The following SNTG2 variants were observed in gnomAD, a reference collection of about 807,000 sequenced individuals.
The protein encoded by SNTG2 is gamma-2-syntrophin.
A neutral mutation model predicts 70.9 loss-of-function variants in SNTG2; 74 were observed. That is an observed-to-expected ratio of 1.04 (90% CI 0.86 to 1.27). The LOEUF (loss-of-function observed/expected upper bound fraction) is 1.27, where lower values mean the gene tolerates loss of function less well. Among genes scored for constraint, SNTG2 ranks in the 50% most tolerant of loss-of-function variants. The pLI is 0.00. For synonymous variants in SNTG2, 278 were observed against 273.8 expected (o/e 1.02, Z -0.15); for missense variants, 717 against 690.7 (o/e 1.04, Z -0.43).
At chr2:1,207,348 G>A (rs1395644676) in intron 8 of SNTG2, among the ~76,000 whole-genome samples, 1 of 152,178 alleles carries the variant, frequency 6.6e-6, no homozygotes, top group African/African-American at 2.4e-5. Context: ...TGAGCTATTG[G>A]CCATGGAATT....
Position 1,153,072 on chromosome 2 carries a change from C to T in SNTG2, c.412-12476C>T, listed in dbSNP as rs142636433. The stretch of plus-strand genomic sequence containing the variant: ...CCAGGAGGCGGAGGTTGCAGTGAGT[C>T]GAGATCGCACCATTGCACTCCAGCC... On this transcript the variant is annotated intron_variant, in intron 6 of 16. Transcript: ENST00000308624. Among the ~76,000 whole-genome samples, 1,472 of 151,262 alleles carry T rather than the reference C, an allele frequency of 9.7e-3. 21 individuals carry two copies. The highest frequency in any genetic ancestry group is 0.034 in the African/African-American group (1,379 of 41,098).
chr2:1,175,904 G>A (rs1389679843), intron 8 of SNTG2, among the ~76,000 whole-genome samples: 1 of 152,182 alleles, frequency 6.6e-6, no homozygotes, highest in African/African-American at 2.4e-5. Context: ...AAAGTAACAC[G>A]ACAGTATCGT....
intron 16 of SNTG2, among the ~76,000 whole-genome samples, chr2:1,317,730 G>A (rs1477598090): frequency 7.0e-6 from 1 of 143,368 alleles, no homozygotes; most frequent in Non-Finnish European, 1.5e-5. Context: ...ATTGGAGAAG[G>A]TTGGGATTCT....
intron 1 of SNTG2, among the ~76,000 whole-genome samples, chr2:983,550 T>C (rs1173826527): frequency 2.0e-5 from 3 of 152,188 alleles, no homozygotes; most frequent in Admixed American, 2.0e-4. Flanking sequence ...CCCTCCGAAA[T>C]AGTCACTCTC....
At chr2:1,250,086 A>G (rs546654899) in intron 12 of SNTG2, among the ~76,000 whole-genome samples, 1 of 152,270 alleles carries the variant, frequency 6.6e-6, no homozygotes, top group East Asian at 1.9e-4. Context: ...AAGGAACTGG[A>G]AATCGCAGAC....
chr2:1,028,841 T>G (rs1448060116), intron 1 of SNTG2, among the ~76,000 whole-genome samples: 3 of 152,104 alleles, frequency 2.0e-5, no homozygotes, highest in Non-Finnish European at 2.9e-5. Flanking sequence ...TTTGTGTGCA[T>G]TTTTGTGCTA....
intron 1 of SNTG2, among the ~76,000 whole-genome samples, chr2:992,290 G>A (rs1002440478): frequency 6.6e-5 from 10 of 151,984 alleles, no homozygotes; most frequent in Middle Eastern, 3.4e-3. Context: ...AAAAAGACAA[G>A]TAAAAATATG....
chr2:1,082,744 C>T (rs909050913), intron 1 of SNTG2, among the ~76,000 whole-genome samples: 1 of 152,248 alleles, frequency 6.6e-6, no homozygotes, highest in Non-Finnish European at 1.5e-5. Context: ...AAGCCCTGTG[C>T]CTGACCGGCG....
intron 9 of SNTG2, among the ~76,000 whole-genome samples, chr2:1,215,802 G>A (rs1572748227): frequency 6.7e-6 from 1 of 150,060 alleles, no homozygotes; most frequent in South Asian, 2.1e-4. Flanking sequence ...AGAACATGCA[G>A]TGTTTGGTTT....
intron 8 of SNTG2, among the ~76,000 whole-genome samples, chr2:1,189,414 A>G (rs1463259338): frequency 2.0e-5 from 3 of 152,156 alleles, no homozygotes; most frequent in Non-Finnish European, 4.4e-5. Context: ...GTCCCAGCAT[A>G]GTCAAGGTAT....
At chr2:1,125,228 A>C (rs2148298092) in intron 4 of SNTG2, among the ~76,000 whole-genome samples, 1 of 152,324 alleles carries the variant, frequency 6.6e-6, no homozygotes, top group South Asian at 2.1e-4. Flanking sequence ...TAGCTACTAA[A>C]GTCTGGCTGC....
chr2:1,145,559 G>A (rs1053590013), intron 6 of SNTG2, among the ~76,000 whole-genome samples: 1 of 152,202 alleles, frequency 6.6e-6, no homozygotes, highest in Admixed American at 6.5e-5. Context: ...TAAATCAATA[G>A]TTAATAACTT....
At chr2:1,230,307 C>T (rs751880202) in intron 9 of SNTG2, among the ~76,000 whole-genome samples, 37 of 152,158 alleles carry the variant, frequency 2.4e-4, no homozygotes, top group South Asian at 4.1e-4. Context: ...ACAGATGGCG[C>T]GGGCAGCCAG....
At chr2:1,061,551 T>C (rs1242020059) in intron 1 of SNTG2, among the ~76,000 whole-genome samples, 2 of 152,258 alleles carry the variant, frequency 1.3e-5, no homozygotes, top group African/African-American at 4.8e-5. Context: ...GTTTCTCTTC[T>C]GTAATGCAAC....
intron 9 of SNTG2, among the ~76,000 whole-genome samples, chr2:1,214,128 G>A (rs1255178136): frequency 6.6e-6 from 1 of 152,134 alleles, no homozygotes; most frequent in Admixed American, 6.6e-5. Flanking sequence ...TTATGCTTGT[G>A]CCTTGCTGTT....
chr2:1,099,887 G>A (rs1665671575), intron 4 of SNTG2, among the ~76,000 whole-genome samples: 1 of 152,164 alleles, frequency 6.6e-6, no homozygotes, highest in South Asian at 2.1e-4. Flanking sequence ...TAAGAGTCAG[G>A]TCAGCAACAC....
At position 1,292,612 on chromosome 2, in the gene SNTG2, C is replaced by G. The variant is rs114618287; in HGVS notation, c.1285-15882C>G. Among the ~76,000 whole-genome samples, 1,463 of 152,178 alleles carry G rather than the reference C, an allele frequency of 9.6e-3. 29 individuals are homozygous for G. Among genetic ancestry groups the G allele is most frequent in the African/African-American group, 0.034 (1,393 of 41,530 alleles). On this transcript the variant is annotated intron_variant, in intron 14 of 16. Coordinates refer to ENST00000308624, the MANE Select transcript of SNTG2 (RefSeq NM_018968.4). ...ATCTATTAAGATGATACAGATTTTTCTTTTTCCTTCCTTTTGTTCACATGG... is the reference window on the plus strand; with the variant it reads ...ATCTATTAAGATGATACAGATTTTTGTTTTTCCTTCCTTTTGTTCACATGG...
intron 1 of SNTG2, among the ~76,000 whole-genome samples, chr2:955,675 A>T (rs1048915886): frequency 1.3e-5 from 2 of 152,268 alleles, no homozygotes; most frequent in Non-Finnish European, 2.9e-5. Context: ...GGGCACAGCC[A>T]TGGGGACGCA....
rs563792565 is a variant in SNTG2 at position 1,349,205 on chromosome 2, T to TG, written c.1489-18131dup. On this transcript the variant is annotated intron_variant, in intron 16 of 16. Coordinates refer to ENST00000308624, the MANE Select transcript of SNTG2 (RefSeq NM_018968.4). ...TTTGTGCTCTGAATCGTTTCCTGGTTGGGGGGGTCACTGGTCCAAGTGGCA... is the reference window on the plus strand; with the variant it reads ...TTTGTGCTCTGAATCGTTTCCTGGTTGGGGGGGGTCACTGGTCCAAGTGGCA... Among the ~76,000 whole-genome samples, 67 of 152,150 alleles carry TG rather than the reference T, an allele frequency of 4.4e-4. No homozygotes were observed. The South Asian group carries it at 7.5e-3, about 17-fold the overall frequency.
Sources: gnomAD v4.1 joint callset for allele counts (sites outside exome capture counted in the v4.1 genomes callset) on GRCh38, gnomAD v4.1.1 for gene constraint, MANE v1.5 for transcripts, NCBI Gene and HGNC (gene_info 2026-07-23, HGNC 2026-07-21) for gene names.